Variants in EML6 observed in about 807,000 individuals in gnomAD.
The protein encoded by EML6 is EMAP like 6.
EML6 carries 154 observed loss-of-function variants against 240.1 expected under a neutral mutation model. The ratio of observed to expected loss-of-function variants is 0.64; its 90% CI spans 0.56 to 0.73. EML6 has a LOEUF of 0.73. Among genes scored for constraint, EML6 ranks in the 30% least tolerant of loss-of-function variants. EML6 has a pLI of 0.00. For synonymous variants in EML6, 1,148 were observed against 899.0 expected (o/e 1.28, Z -4.95); for missense variants, 2,964 against 2,474.6 (o/e 1.20, Z -4.20).
chr2:54,735,265 A>G (rs1683342237), intron 2 of EML6, among the ~76,000 whole-genome samples: 1 of 152,040 alleles, frequency 6.6e-6, no homozygotes, highest in Non-Finnish European at 1.5e-5. Context: ...TGACTTACCC[A>G]TGTTTCCATC....
rs747474192 is a variant in EML6 at position 54,947,070 on chromosome 2, C to T, written c.4005-1812C>T. On this transcript the variant is annotated intron_variant, in intron 28 of 41. Transcript: ENST00000356458. ...ATACAACCTGTGTGTCCCCTGAAAT[C>T]GAGCCCTGTGTTTATCCTCAAATAA... Among the ~76,000 whole-genome samples the T allele has an allele frequency of 2.3e-4, 35 of 152,036 alleles. 1 individual carries two copies. The highest frequency in any genetic ancestry group is 8.8e-5 in the Non-Finnish European group (6 of 68,002).
At chr2:54,954,229 A>G in intron 32 of EML6, 73 bp downstream of exon 32, 2 of 1,376,868 alleles carry the variant, frequency 1.5e-6, no homozygotes, top group Non-Finnish European at 2.0e-6. Flanking sequence ...GCTCGAACCC[A>G]GATCTGCCTC....
chr2:54,871,862 T>C (rs1671277080), intron 16 of EML6, among the ~76,000 whole-genome samples: 1 of 152,240 alleles, frequency 6.6e-6, no homozygotes, highest in Admixed American at 6.5e-5. Context: ...ATTTTCTGTC[T>C]CCTAAGTCAC....
chr2:54,863,930 G>A (rs990502781), intron 13 of EML6, 41 bp downstream of exon 13: 3 of 1,084,318 alleles, frequency 2.8e-6, no homozygotes, highest in African/African-American at 3.2e-5. Flanking sequence ...AACCCCAGAA[G>A]GGGATCTCAT....
intron 28 of EML6, among the ~76,000 whole-genome samples, chr2:54,933,563 G>T (rs558530540): frequency 6.6e-6 from 1 of 151,998 alleles, no homozygotes; most frequent in Non-Finnish European, 1.5e-5. Context: ...GTGAAACCCT[G>T]TCTCTCCTAA....
rs182113104 is a variant in EML6 at position 54,770,994 on chromosome 2, G to T, written c.198-42238G>T. Among the ~76,000 whole-genome samples the T allele has an allele frequency of 2.0e-5, 3 of 152,256 alleles. No individual in the cohort carries two copies. The East Asian group carries it at 5.8e-4, about 29-fold the overall frequency. On this transcript the variant is annotated intron_variant, in intron 2 of 41. Transcript: ENST00000356458. ...CACAGAGAGGAGCAGGTTTAATGTG[G>T]GGTGGGGAAGTGGAAGGTCAAAGGC...
chr2:54,930,879 G>C (rs1214422311), intron 28 of EML6, among the ~76,000 whole-genome samples: 1 of 149,188 alleles, frequency 6.7e-6, no homozygotes, highest in African/African-American at 2.5e-5. Context: ...TCAGAGCCAA[G>C]AACAAGCAGA....
At chr2:54,858,862 G>A (rs912346039) in intron 11 of EML6, among the ~76,000 whole-genome samples, 3 of 152,234 alleles carry the variant, frequency 2.0e-5, no homozygotes, top group African/African-American at 7.2e-5. Flanking sequence ...TTTTTGAAGA[G>A]AGGTTGGGGT....
chr2:54,846,361 TA>T (rs1669753177), intron 8 of EML6, among the ~76,000 whole-genome samples: 1 of 151,950 alleles, frequency 6.6e-6, no homozygotes, highest in African/African-American at 2.4e-5. Flanking sequence ...CATATATAAT[TA>T]TATTGATTAT....
At chr2:54,794,890 C>G (rs893572518) in intron 2 of EML6, among the ~76,000 whole-genome samples, 1 of 152,176 alleles carries the variant, frequency 6.6e-6, no homozygotes, top group Non-Finnish European at 1.5e-5. Flanking sequence ...CAGCCCTCAT[C>G]TGTATGATGG....
intron 2 of EML6, among the ~76,000 whole-genome samples, chr2:54,778,755 G>T (rs943761407): frequency 9.9e-5 from 15 of 151,698 alleles, no homozygotes; most frequent in South Asian, 2.1e-4. Flanking sequence ...AGCTGCGTGT[G>T]GTGGCGGGTG....
At chr2:54,812,484 A>G (rs917076735) in intron 2 of EML6, among the ~76,000 whole-genome samples, 5 of 151,920 alleles carry the variant, frequency 3.3e-5, no homozygotes, top group Non-Finnish European at 5.9e-5. Flanking sequence ...TTTTTTAGAA[A>G]GACACAACGC....
At chr2:54,766,360 T>C (rs1252126249) in intron 2 of EML6, among the ~76,000 whole-genome samples, 1 of 152,212 alleles carries the variant, frequency 6.6e-6, no homozygotes, top group Non-Finnish European at 1.5e-5. Context: ...TTCCTTAGTC[T>C]TTCTTTGTCT....
chr2:54,964,780 A>C, intron 38 of EML6, 47 bp downstream of exon 38: 1 of 1,528,522 alleles, frequency 6.5e-7, no homozygotes, highest in South Asian at 1.2e-5. Flanking sequence ...TAATAACAGC[A>C]GTAATAACAA....
chr2:54,744,492 C>T (rs76759241), intron 2 of EML6, among the ~76,000 whole-genome samples: 3,574 of 152,104 alleles, frequency 0.023, 136 homozygotes, highest in African/African-American at 0.081. Flanking sequence ...TTTAGACATA[C>T]GGACTTATAA....
chr2:54,725,349 C>T lies in EML6; in HGVS notation c.197+91C>T. On this transcript the variant is annotated intron_variant, in intron 2 of 41. Coordinates refer to ENST00000356458, the MANE Select transcript of EML6 (RefSeq NM_001039753.4). This position sits in a 1 kb window ranked among gnomAD's most constrained non-coding sequence, Gnocchi z 4.3. ...TGACCTGGGGTCGGATCCGGGAGCC[C>T]CGTGGAATAGAGGATTCTCTCTGGA... 1.0e-6 allele frequency: 1 copy of T among 975,490 alleles called. No homozygotes were observed. Among genetic ancestry groups the T allele is most frequent in the Non-Finnish European group, 1.4e-6 (1 of 700,482 alleles). The allele number at this position is 975,490 out of a possible 1,614,324, so 60.4% of individuals were successfully genotyped here.
chr2:54,906,644 G>C (rs890980564), intron 24 of EML6, among the ~76,000 whole-genome samples: 4 of 152,200 alleles, frequency 2.6e-5, no homozygotes, highest in African/African-American at 7.2e-5. Context: ...TCTGTGGATT[G>C]AGAGTAGTAG....
At chr2:54,871,458 A>G in intron 15 of EML6, 42 bp from the exon 16 acceptor site, 1 of 1,425,676 alleles carries the variant, frequency 7.0e-7, no homozygotes, top group Non-Finnish European at 9.7e-7. Context: ...CATTGTTAGT[A>G]TAACGTGTTA....
chr2:54,917,358 G>GTTTTTTTT (rs147785699), intron 26 of EML6, among the ~76,000 whole-genome samples: 138 of 123,796 alleles, frequency 1.1e-3, no homozygotes, highest in East Asian at 3.4e-3. Context: ...TTTTTTTTTT[G>GTTTTTTTT]TTTTTTTTTT....
Sources: allele counts gnomAD v4.1 joint callset (sites outside exome capture counted in the v4.1 genomes callset), GRCh38; gene constraint gnomAD v4.1.1; non-coding constraint Gnocchi (gnomAD v3.1); transcripts MANE v1.5; gene names NCBI Gene and HGNC (gene_info 2026-07-23, HGNC 2026-07-21).